HYAL4: variants seen among roughly 807,000 people sequenced by gnomAD.
HYAL4 encodes the protein hyaluronidase 4.
HYAL4 carries 37 observed loss-of-function variants against 35.2 expected under a neutral mutation model. The ratio of observed to expected loss-of-function variants is 1.05; its 90% CI spans 0.81 to 1.38. HYAL4 has a LOEUF of 1.38. Among genes scored for constraint, HYAL4 ranks in the 40% most tolerant of loss-of-function variants. HYAL4 has a pLI of 0.00. For missense variants in HYAL4, 572 were observed against 572.4 expected, an observed-to-expected ratio of 1.00 and a Z score of 0.01; for synonymous variants, 198 against 203.2, an observed-to-expected ratio of 0.97 and a Z score of 0.22.
chr7:123,815,435 T>G, the HYAL4 span, among the ~76,000 whole-genome samples: 1 of 152,216 alleles, frequency 6.6e-6, no homozygotes, highest in Non-Finnish European at 1.5e-5. Flanking sequence ...ATTAACCAAC[T>G]ACATTTCTCA....
At chr7:123,839,501 G>A (rs1806018918) in intron 1 of HYAL4, among the ~76,000 whole-genome samples, 1 of 152,188 alleles carries the variant, frequency 6.6e-6, no homozygotes, top group Non-Finnish European at 1.5e-5. Context: ...TATATACCCA[G>A]TAATGGGATT....
the HYAL4 span, among the ~76,000 whole-genome samples, chr7:123,770,056 G>A: frequency 1.3e-5 from 2 of 152,002 alleles, no homozygotes; most frequent in African/African-American, 4.8e-5. Flanking sequence ...TCAGAATAAA[G>A]TTTAAACTAA....
chr7:123,870,794 C>G (rs189451283), intron 3 of HYAL4, among the ~76,000 whole-genome samples: 11 of 151,466 alleles, frequency 7.3e-5, no homozygotes, highest in African/African-American at 2.7e-4. Context: ...TTACGTAAAT[C>G]TTTATAAAAT....
chr7:123,870,575 A>G (rs1806850785), intron 3 of HYAL4, among the ~76,000 whole-genome samples: 3 of 152,110 alleles, frequency 2.0e-5, no homozygotes, highest in Admixed American at 2.0e-4. Flanking sequence ...CAGCCTGACC[A>G]AGATAGTGAA....
chr7:123,788,138 T>A, the HYAL4 span, among the ~76,000 whole-genome samples: 1 of 152,138 alleles, frequency 6.6e-6, no homozygotes, highest in Non-Finnish European at 1.5e-5. Flanking sequence ...GGCAACACAG[T>A]GAGACCTCAT....
At chr7:123,812,755 G>A in the HYAL4 span, among the ~76,000 whole-genome samples, 1 of 152,106 alleles carries the variant, frequency 6.6e-6, no homozygotes, top group Non-Finnish European at 1.5e-5. Context: ...TATTTATGGA[G>A]AGTAGATATT....
the HYAL4 span, among the ~76,000 whole-genome samples, chr7:123,803,144 A>T: frequency 3.9e-5 from 6 of 152,244 alleles, no homozygotes; most frequent in Admixed American, 3.9e-4. Context: ...CACAGACTCC[A>T]TGGGCAAGGT....
chr7:123,832,285 A>T (rs1231189074), intron 1 of HYAL4, among the ~76,000 whole-genome samples: 7 of 151,424 alleles, frequency 4.6e-5, no homozygotes, highest in Admixed American at 1.3e-4. Context: ...CTTTCTTAAA[A>T]TTTTTTTTAT....
chr7:123,783,759 A>G, the HYAL4 span, among the ~76,000 whole-genome samples: 1 of 152,210 alleles, frequency 6.6e-6, no homozygotes, highest in Non-Finnish European at 1.5e-5. Flanking sequence ...ATTTAAGGAG[A>G]ATGAAGAAAC....
chr7:123,838,524 T>G (rs1327102650), intron 1 of HYAL4, among the ~76,000 whole-genome samples: 1 of 152,084 alleles, frequency 6.6e-6, no homozygotes, highest in Admixed American at 6.6e-5. Flanking sequence ...GCTTTTGCAT[T>G]GGCTTTTTAT....
chr7:123,816,149 A>C, the HYAL4 span, among the ~76,000 whole-genome samples: 3 of 152,146 alleles, frequency 2.0e-5, no homozygotes, highest in African/African-American at 7.2e-5. Flanking sequence ...GGAAACTGCC[A>C]TTTGGGGGAA....
chr7:123,801,290 G>GT, the HYAL4 span, among the ~76,000 whole-genome samples: 1 of 152,174 alleles, frequency 6.6e-6, no homozygotes, highest in Non-Finnish European at 1.5e-5. Flanking sequence ...AAAAATGATT[G>GT]TCTTTTAAAT....
chr7:123,784,846 T>C, the HYAL4 span, among the ~76,000 whole-genome samples: 1 of 152,242 alleles, frequency 6.6e-6, no homozygotes, highest in African/African-American at 2.4e-5. Flanking sequence ...GATTATGTGG[T>C]TGTTGCTTTT....
intron 1 of HYAL4, among the ~76,000 whole-genome samples, chr7:123,832,842 C>T (rs149293217): frequency 6.6e-6 from 1 of 152,168 alleles, no homozygotes; most frequent in Non-Finnish European, 1.5e-5. Context: ...TTATGAGTGA[C>T]AACATACATG....
the HYAL4 span, among the ~76,000 whole-genome samples, chr7:123,783,582 C>T: frequency 6.6e-6 from 1 of 152,102 alleles, no homozygotes. Flanking sequence ...TGCTGACAGA[C>T]ACACAGAGAG....
chr7:123,798,700 G>A, the HYAL4 span, among the ~76,000 whole-genome samples: 1 of 152,268 alleles, frequency 6.6e-6, no homozygotes, highest in Non-Finnish European at 1.5e-5. Context: ...CTGACTAATA[G>A]AATGTTTGTG....
At chr7:123,808,299 G>T in the HYAL4 span, among the ~76,000 whole-genome samples, 16 of 152,026 alleles carry the variant, frequency 1.1e-4, no homozygotes, top group African/African-American at 3.4e-4. Flanking sequence ...TAGTACATAA[G>T]AATGTGTTTC....
chr7:123,855,618 G>C (rs1347064202), intron 2 of HYAL4, among the ~76,000 whole-genome samples: 1 of 152,012 alleles, frequency 6.6e-6, no homozygotes, highest in Admixed American at 6.6e-5. Context: ...TTTCTCTCTG[G>C]CTGCCCTTAA....
the HYAL4 span, among the ~76,000 whole-genome samples, chr7:123,816,459 GGAATTACA>G: frequency 2.0e-5 from 3 of 152,006 alleles, no homozygotes; most frequent in African/African-American, 7.3e-5. Context: ...CCTTGTGTCA[GGAATTACA>G]TGTTATTAGT....
Sources: gnomAD v4.1 joint callset for allele counts (sites outside exome capture counted in the v4.1 genomes callset) on GRCh38, gnomAD v4.1.1 for gene constraint, MANE v1.5 for transcripts, NCBI Gene and HGNC (gene_info 2026-07-23, HGNC 2026-07-21) for gene names.